PCDHGA4: variants seen among roughly 807,000 people sequenced by gnomAD.
PCDHGA4 encodes protocadherin gamma-A4.
A neutral mutation model predicts 54.6 loss-of-function variants in PCDHGA4; 38 were observed. The ratio of observed to expected loss-of-function variants is 0.70; its 90% CI spans 0.54 to 0.91. PCDHGA4 has a LOEUF of 0.91. Ranked by LOEUF, PCDHGA4 falls within the 40% of genes least tolerant of loss-of-function variation. PCDHGA4 has a pLI of 0.00. For missense variants in PCDHGA4, 1,298 were observed against 1,220.9 expected (o/e 1.06, Z -0.94); for synonymous variants, 511 against 512.9 (o/e 1.00, Z 0.05).
chr5:141,496,467 T>A (rs1334392771), intron 2 of PCDHGA4, among the ~76,000 whole-genome samples: 1 of 152,056 alleles, frequency 6.6e-6, no homozygotes, highest in Non-Finnish European at 1.5e-5. Context: ...GAGTTATCTT[T>A]CCCCCATCCT....
At chr5:141,381,987 G>A (rs896707419) in intron 1 of PCDHGA4, among the ~76,000 whole-genome samples, 9 of 151,320 alleles carry the variant, frequency 5.9e-5, no homozygotes, top group Non-Finnish European at 1.2e-4. Context: ...GCGCCACCAC[G>A]CCCGGATAAT....
At chr5:141,417,690 A>T in intron 1 of PCDHGA4, 1 of 1,077,126 alleles carries the variant, frequency 9.3e-7, no homozygotes, top group East Asian at 2.6e-5. Context: ...AGAAAAGAAA[A>T]CCAGCTCCCA....
chr5:141,394,022 A>G (rs1210359800), intron 1 of PCDHGA4: 1 of 1,613,552 alleles, frequency 6.2e-7, no homozygotes, highest in South Asian at 1.1e-5. Flanking sequence ...ATTATTATAG[A>G]TTAGTGACAA....
intron 1 of PCDHGA4, chr5:141,366,556 C>T (rs1764642074): frequency 3.1e-6 from 5 of 1,614,234 alleles, no homozygotes; most frequent in East Asian, 2.2e-5. Flanking sequence ...ACTTTGTGGG[C>T]GTGGATGGGG....
At chr5:141,436,738 G>T (rs1207400781) in intron 1 of PCDHGA4, among the ~76,000 whole-genome samples, 2 of 152,306 alleles carry the variant, frequency 1.3e-5, no homozygotes, top group South Asian at 2.1e-4. Context: ...AATGATTTTT[G>T]TGTGCTTCTC....
chr5:141,400,230 G>A, intron 1 of PCDHGA4: 3 of 1,613,992 alleles, frequency 1.9e-6, no homozygotes, highest in Non-Finnish European at 2.5e-6. Flanking sequence ...TCTTCCTCCT[G>A]GCCGTGATTC....
chr5:141,414,752 ATG>A, intron 1 of PCDHGA4: 2 of 1,614,228 alleles, frequency 1.2e-6, no homozygotes, highest in Non-Finnish European at 1.7e-6. Context: ...TCCTTCGACT[ATG>A]AGCAGTTTCA....
At position 141,486,418 on chromosome 5, in the gene PCDHGA4, A is replaced by G. The variant is rs1174910867; in HGVS notation, c.2515-8389A>G. On this transcript the variant is annotated intron_variant, in intron 1 of 3. Transcript: ENST00000571252. This position sits in a 1 kb window ranked among gnomAD's most constrained non-coding sequence, Gnocchi z 5.0. ...TGGTGACTGCTGGACCCTTGGATCG[A>G]GAGGCCAAATCTAGCTATGACATCA... is the stretch of plus-strand genomic sequence containing the variant. The G allele has an allele frequency of 3.7e-6, 6 of 1,614,176 alleles. No individual in the cohort carries two copies. Among genetic ancestry groups the G allele is most frequent in the Non-Finnish European group, 5.1e-6 (6 of 1,180,020 alleles).
In PCDHGA4 at chr5:141,389,714, C is replaced by T. The variant is rs771532940; in HGVS notation, c.2514+32093C>T. Reference sequence around the variant, plus strand: ...TGTCCTACCACGTGCTGCAGGCTAGCGAGCCCGGGCTCTTCAGCCTGGGGC... The same window carrying T: ...TGTCCTACCACGTGCTGCAGGCTAGTGAGCCCGGGCTCTTCAGCCTGGGGC... On this transcript the variant is annotated intron_variant, in intron 1 of 3. Transcript: ENST00000571252. 9 of 1,612,418 alleles carry T rather than the reference C, an allele frequency of 5.6e-6. No individual in the cohort carries two copies. In the Admixed American group the frequency reaches 1.2e-4, roughly 21 times the overall value.
intron 1 of PCDHGA4, chr5:141,420,388 A>G (rs986892784): frequency 3.1e-6 from 4 of 1,282,144 alleles, no homozygotes; most frequent in Non-Finnish European, 4.1e-6. Context: ...TTCGCAAAAT[A>G]TAGGTCAAAT....
chr5:141,432,264 C>A lies in PCDHGA4; in HGVS notation c.2515-62543C>A. On this transcript the variant is annotated intron_variant, in intron 1 of 3. Transcript: ENST00000571252. The surrounding 1 kb of genome is among the most constrained non-coding windows in gnomAD (Gnocchi z 6.0). Reference sequence around the variant, plus strand: ...AACACCATCCAAGGGGCAAGCCTATCGTCCTACGTGTCCATCAACTCCGAC... The same window carrying A: ...AACACCATCCAAGGGGCAAGCCTATAGTCCTACGTGTCCATCAACTCCGAC... 5 of 1,614,252 alleles carry A rather than the reference C, an allele frequency of 3.1e-6. No homozygotes were observed. Among genetic ancestry groups the A allele is most frequent in the Non-Finnish European group, 4.2e-6 (5 of 1,180,044 alleles).
rs146615755 is a variant in PCDHGA4 at position 141,486,022 on chromosome 5, T to C, written c.2515-8785T>C. The C allele has an allele frequency of 1.2e-6, 2 of 1,614,030 alleles. No homozygotes were observed. Among genetic ancestry groups the C allele is most frequent in the Non-Finnish European group, 1.7e-6 (2 of 1,180,036 alleles). Reference sequence around the variant, plus strand: ...GTAACGTCACCTTTTATTTCAGTGGTCATACCCCTGATCGTGTAAGAAACC... The same window carrying C: ...GTAACGTCACCTTTTATTTCAGTGGCCATACCCCTGATCGTGTAAGAAACC... On this transcript the variant is annotated intron_variant, in intron 1 of 3. Coordinates refer to ENST00000571252, the MANE Select transcript of PCDHGA4 (RefSeq NM_018917.4). The surrounding 1 kb of genome is among the most constrained non-coding windows in gnomAD (Gnocchi z 5.0).
chr5:141,414,776 T>G (rs766689016), intron 1 of PCDHGA4: 14 of 1,614,212 alleles, frequency 8.7e-6, no homozygotes, highest in Non-Finnish European at 1.1e-5. Context: ...GAGCTACAGA[T>G]GCAGGTGACA....
chr5:141,427,775 G>A (rs768191014), intron 1 of PCDHGA4: 35 of 1,424,948 alleles, frequency 2.5e-5, no homozygotes, highest in Non-Finnish European at 2.9e-5. Context: ...TGGAGCTGCG[G>A]GCACTGTCGT....
chr5:141,449,040 C>A (rs1333983931), intron 1 of PCDHGA4, among the ~76,000 whole-genome samples: 2 of 152,126 alleles, frequency 1.3e-5, no homozygotes, highest in Non-Finnish European at 2.9e-5. Flanking sequence ...GGATTATTAA[C>A]CAGTCTCATA....
intron 2 of PCDHGA4, among the ~76,000 whole-genome samples, chr5:141,495,601 G>A (rs1315613802): frequency 3.3e-5 from 5 of 152,004 alleles, no homozygotes; most frequent in South Asian, 2.1e-4. Context: ...CTTAGCTTCC[G>A]TCTTGATTGC....
intron 1 of PCDHGA4, among the ~76,000 whole-genome samples, chr5:141,407,809 T>C (rs2094984510): frequency 6.6e-6 from 1 of 152,228 alleles, no homozygotes; most frequent in South Asian, 2.1e-4. Flanking sequence ...TAGAAATATC[T>C]ACTATAATAT....
At position 141,498,971 on chromosome 5, in the gene PCDHGA4, G is replaced by GGGAAGGAAGGAA. The variant is rs201769957; in HGVS notation, c.2573+4152_2573+4163dup. On this transcript the variant is annotated intron_variant, in intron 2 of 3. Coordinates refer to ENST00000571252, the MANE Select transcript of PCDHGA4 (RefSeq NM_018917.4). ...AAAAAGAGAGAGAGGGAGGGAGGGA[G>GGGAAGGAAGGAA]GGAAGGAAGGAAGGAAGGAAGGAAG... 6.8e-3 allele frequency among the ~76,000 whole-genome samples: 758 copies of GGGAAGGAAGGAA among 111,036 alleles called. 12 individuals are homozygous for GGGAAGGAAGGAA. Among genetic ancestry groups the GGGAAGGAAGGAA allele is most frequent in the African/African-American group, 0.021 (585 of 27,816 alleles). 72.8% of individuals were successfully genotyped at this position (111,036 alleles called of 152,430 possible). A position where few individuals can be genotyped will look rare whatever the true frequency, so the allele number is the denominator to read the frequency against.
At chr5:141,410,084 A>G in intron 1 of PCDHGA4, 3 of 1,612,532 alleles carry the variant, frequency 1.9e-6, no homozygotes, top group Non-Finnish European at 2.5e-6. Context: ...GGAGGTGCGC[A>G]CGGCTCGAGC....
Sources: gnomAD v4.1 joint callset for allele counts (sites outside exome capture counted in the v4.1 genomes callset) on GRCh38, gnomAD v4.1.1 for gene constraint, Gnocchi (gnomAD v3.1) non-coding constraint, MANE v1.5 for transcripts, NCBI Gene and HGNC (gene_info 2026-07-23, HGNC 2026-07-21) for gene names.